FHAD1: variants seen among roughly 807,000 people sequenced by gnomAD.
FHAD1 encodes forkhead-associated domain-containing protein 1.
FHAD1 carries 146 observed loss-of-function variants against 191.3 expected under a neutral mutation model. The observed-to-expected ratio is 0.76, with a 90% CI of 0.67 to 0.88. The LOEUF is 0.88. FHAD1 is among the 40% of genes least tolerant of loss of function. FHAD1 has a pLI of 0.00. For missense variants in FHAD1, 1,635 were observed against 1,785.8 expected, an observed-to-expected ratio of 0.92 and a Z score of 1.52; for synonymous variants, 616 against 672.3, an observed-to-expected ratio of 0.92 and a Z score of 1.29.
At chr1:15,259,577 A>G (rs1301866730) in intron 2 of FHAD1, among the ~76,000 whole-genome samples, 1 of 152,220 alleles carries the variant, frequency 6.6e-6, no homozygotes, top group Non-Finnish European at 1.5e-5. Flanking sequence ...GTAGTGGGAA[A>G]TCCCACAGTT....
chr1:15,320,373 T>TAA (rs1206503155), intron 10 of FHAD1, among the ~76,000 whole-genome samples: 1 of 152,236 alleles, frequency 6.6e-6, no homozygotes, highest in Non-Finnish European at 1.5e-5. Flanking sequence ...AGCTTGCCGA[T>TAA]AATGCTCAAA....
intron 2 of FHAD1, 23 bp downstream of exon 2, chr1:15,251,900 C>T (rs763492205): frequency 6.5e-6 from 10 of 1,533,264 alleles, no homozygotes; most frequent in Non-Finnish European, 8.8e-6. Context: ...CCCACCTGTT[C>T]CCGTCCCCTC....
chr1:15,383,081 CAA>C, intron 31 of FHAD1: 1 of 471,664 alleles, frequency 2.1e-6, no homozygotes. Flanking sequence ...GTCCTGGGCT[CAA>C]ATCCCCGCAC....
At chr1:15,363,432 A>T (rs141191023) in intron 23 of FHAD1, among the ~76,000 whole-genome samples, 546 of 152,288 alleles carry the variant, frequency 3.6e-3, no homozygotes, top group African/African-American at 0.013. Context: ...AACATAGCAG[A>T]TCCCAACTCA....
chr1:15,366,057 G>T, intron 24 of FHAD1, 124 bp downstream of exon 24: 1 of 624,734 alleles, frequency 1.6e-6, no homozygotes, highest in Non-Finnish European at 2.8e-6. Flanking sequence ...GGAGGCCAAG[G>T]CAGTTGGATC....
At chr1:15,292,127 C>T (rs1235257220) in intron 4 of FHAD1, among the ~76,000 whole-genome samples, 1 of 150,504 alleles carries the variant, frequency 6.6e-6, no homozygotes, top group Non-Finnish European at 1.5e-5. Flanking sequence ...GCCTTTCTTT[C>T]TTCCTTCCTT....
chr1:15,301,779 C>T (rs1204634935), intron 6 of FHAD1, among the ~76,000 whole-genome samples: 2 of 152,228 alleles, frequency 1.3e-5, no homozygotes, highest in South Asian at 2.1e-4. Flanking sequence ...TGTAATCTGG[C>T]ACTTTGGGAG....
intron 21 of FHAD1, among the ~76,000 whole-genome samples, chr1:15,359,965 T>G (rs1026856784): frequency 2.0e-5 from 3 of 149,892 alleles, no homozygotes; most frequent in African/African-American, 7.4e-5. Flanking sequence ...AAAAAAAAAT[T>G]AGCTGAGTGT....
chr1:15,240,944 G>A (rs1314189324), intron 1 of FHAD1, among the ~76,000 whole-genome samples: 5 of 131,494 alleles, frequency 3.8e-5, no homozygotes, highest in South Asian at 2.6e-4. Context: ...CTGACAGAGC[G>A]AGACTCTATC....
chr1:15,348,165 A>G lies in FHAD1; in HGVS notation c.2347-877A>G, dbSNP rs718458. Among the ~76,000 whole-genome samples, 415 of 152,356 alleles carry G rather than the reference A, an allele frequency of 2.7e-3. 1 individual carries two copies. Among genetic ancestry groups the G allele is most frequent in the African/African-American group, 9.5e-3 (394 of 41,576 alleles). On this transcript the variant is annotated intron_variant, in intron 18 of 33. Coordinates refer to ENST00000688493, the MANE Select transcript of FHAD1 (RefSeq NM_001391957.1). Reference sequence around the variant, plus strand: ...GCTTTAAGGCTGGTGTTGGGACAGCAGAGTGTTAGAGTTTTGTCAACTACT... The same window carrying G: ...GCTTTAAGGCTGGTGTTGGGACAGCGGAGTGTTAGAGTTTTGTCAACTACT...
In FHAD1 at chr1:15,329,387, G is replaced by A. The variant is rs1680300378; in HGVS notation, c.1752G>A (p.Lys584=). ...CCTGTTGCAGCCATGACCTGAAGAA[G>A]GAGGTCGACCTTCTTCAGCACCTCC... The part of the protein sequence containing the change: ...KISCCSHDLK[K]EVDLLQHLQV... Residue 584 remains lysine, a synonymous_variant, in exon 14 of 34, where the codon AAG becomes AAA. Coordinates refer to ENST00000688493, the MANE Select transcript of FHAD1 (RefSeq NM_001391957.1). This position sits in a 1 kb window ranked among gnomAD's most constrained non-coding sequence, Gnocchi z 5.0. The A allele has an allele frequency of 6.4e-7, 1 of 1,550,736 alleles. No homozygotes were observed. The highest frequency in any genetic ancestry group is 8.7e-7 in the Non-Finnish European group (1 of 1,146,470).
At chr1:15,306,724 G>C (rs1428819303) in intron 6 of FHAD1, among the ~76,000 whole-genome samples, 1 of 152,256 alleles carries the variant, frequency 6.6e-6, no homozygotes, top group Non-Finnish European at 1.5e-5. Flanking sequence ...TGAGCCTGCA[G>C]GTGCACAGAA....
intron 14 of FHAD1, among the ~76,000 whole-genome samples, chr1:15,330,650 T>C (rs2101877550): frequency 6.6e-6 from 1 of 152,268 alleles, no homozygotes; most frequent in Non-Finnish European, 1.5e-5. Context: ...GCAGGATGCA[T>C]CGGAGTTGTT....
chr1:15,374,650 A>C lies in FHAD1; in HGVS notation c.3577+19A>C. The C allele has an allele frequency of 6.4e-7, 1 of 1,550,400 alleles. No individual in the cohort carries two copies. Among genetic ancestry groups the C allele is most frequent in the Non-Finnish European group, 8.7e-7 (1 of 1,146,790 alleles). On this transcript the variant is annotated intron_variant, in intron 27 of 33. Coordinates refer to ENST00000688493, the MANE Select transcript of FHAD1 (RefSeq NM_001391957.1). ...TCACCAGGTAAGTCTCCTCCTTCCT[A>C]GTCAGAGCAGTGGACCCCAGACTCC...
chr1:15,272,402 C>A lies in FHAD1; in HGVS notation c.173C>A (p.Ser58Tyr). 2.6e-6 allele frequency: 4 copies of A among 1,551,732 alleles called. No homozygotes were observed. Among genetic ancestry groups the A allele is most frequent in the Non-Finnish European group, 3.5e-6 (4 of 1,146,996 alleles). Residue 58 changes from serine to tyrosine, a missense_variant, in exon 3 of 34, where the codon TCC becomes TAC. Transcript: ENST00000688493. ...ECSFVLQDFN[S>Y]RNGTFVNECH... Reference sequence around the variant, plus strand: ...AGCTTTGTTCTCCAGGACTTCAATTCCCGCAACGGCACGTTTGTCAACGAG... The same window carrying A: ...AGCTTTGTTCTCCAGGACTTCAATTACCGCAACGGCACGTTTGTCAACGAG...
chr1:15,380,877 A>G, intron 29 of FHAD1, 81 bp downstream of exon 29: 5 of 991,500 alleles, frequency 5.0e-6, no homozygotes, highest in East Asian at 5.2e-5. Context: ...GATAGTTTAA[A>G]TATCAACCTC....
At chr1:15,348,846 A>G (rs1689831349) in intron 18 of FHAD1, among the ~76,000 whole-genome samples, 196 bp from the exon 19 acceptor site, 1 of 152,064 alleles carries the variant, frequency 6.6e-6, no homozygotes, top group African/African-American at 2.4e-5. Flanking sequence ...CATCTGTAAA[A>G]TGGGCCACTC....
intron 2 of FHAD1, among the ~76,000 whole-genome samples, chr1:15,265,928 A>C (rs1381331236): frequency 7.0e-6 from 1 of 142,176 alleles, no homozygotes; most frequent in Non-Finnish European, 1.5e-5. Context: ...CCAGGATTGC[A>C]CCACTGCACT....
chr1:15,360,475 C>T lies in FHAD1; in HGVS notation c.2737-3C>T. On this transcript the variant is annotated splice_region_variant and splice_polypyrimidine_tract_variant and intron_variant, in intron 21 of 33. Transcript: ENST00000688493. ...CCTCACTGAGTGACTCTCTGTTTCC[C>T]AGATCATGGTGGAAGAGCGGCTAAT... The T allele has an allele frequency of 1.3e-6, 2 of 1,550,670 alleles. No individual in the cohort carries two copies. The highest frequency in any genetic ancestry group is 8.7e-7 in the Non-Finnish European group (1 of 1,146,684).
Sources: allele counts gnomAD v4.1 joint callset (sites outside exome capture counted in the v4.1 genomes callset), GRCh38; gene constraint gnomAD v4.1.1; non-coding constraint Gnocchi (gnomAD v3.1); transcripts MANE v1.5; gene names NCBI Gene and HGNC (gene_info 2026-07-23, HGNC 2026-07-21).